CDR2L: variants seen among roughly 807,000 people sequenced by gnomAD.
The protein encoded by CDR2L is cerebellar degeneration-related protein 2-like.
Under a neutral mutation model 36.1 loss-of-function variants are expected in CDR2L, and 19 were observed. That is an observed-to-expected ratio of 0.53 (90% CI 0.37 to 0.77). CDR2L has a LOEUF of 0.77. Among genes scored for constraint, CDR2L ranks in the 30% least tolerant of loss-of-function variants. CDR2L has a pLI of 0.00. For synonymous variants in CDR2L, 285 were observed against 280.4 expected, an observed-to-expected ratio of 1.02 and a Z score of -0.16; for missense variants, 575 against 627.2, an observed-to-expected ratio of 0.92 and a Z score of 0.89.
intron 1 of CDR2L, among the ~76,000 whole-genome samples, chr17:74,997,473 C>T: frequency 6.6e-6 from 1 of 152,176 alleles, no homozygotes. Context: ...CCCCACGGCA[C>T]CTTGCCCCTA....
rs1359125055 is a variant in CDR2L, at chr17:75,001,388, C to G, written c.240C>G (p.His80Gln). Residue 80 changes from histidine to glutamine, a missense_variant, in exon 3 of 5, where the codon CAC becomes CAG. Coordinates refer to ENST00000337231, the MANE Select transcript of CDR2L (RefSeq NM_014603.3). ...LDTLRHVNEQ[H>Q]AKVYEQLDLT... ...CGCTGCGGCACGTGAACGAGCAGCACGCCAAAGTCTATGAGCAGCTGGACC... is the reference window on the plus strand; with the variant it reads ...CGCTGCGGCACGTGAACGAGCAGCAGGCCAAAGTCTATGAGCAGCTGGACC... 1.2e-6 allele frequency: 2 copies of G among 1,611,806 alleles called. No homozygotes were observed. The highest frequency in any genetic ancestry group is 1.3e-5 in the African/African-American group (1 of 74,856).
intron 1 of CDR2L, among the ~76,000 whole-genome samples, chr17:74,993,740 T>G (rs2039809879): frequency 6.6e-6 from 1 of 152,258 alleles, no homozygotes; most frequent in Non-Finnish European, 1.5e-5. Context: ...TTGGGAAAGC[T>G]GCCTTTGTTT....
chr17:74,989,332 G>C lies in CDR2L; in HGVS notation c.79+1210G>C, dbSNP rs992523834. Among the ~76,000 whole-genome samples the C allele has an allele frequency of 3.9e-5, 6 of 152,028 alleles. No homozygotes were observed. Among genetic ancestry groups the C allele is most frequent in the African/African-American group, 1.4e-4 (6 of 41,444 alleles). ...GGACCAGGGTGGGACTGGGGATGCT[G>C]GACTAGGCCCTGCCATGGTCTGTGC... is the stretch of plus-strand genomic sequence containing the variant. On this transcript the variant is annotated intron_variant, in intron 1 of 4. Coordinates refer to ENST00000337231, the MANE Select transcript of CDR2L (RefSeq NM_014603.3). The surrounding 1 kb of genome is among the most constrained non-coding windows in gnomAD (Gnocchi z 4.2).
chr17:74,997,062 T>G, intron 1 of CDR2L, among the ~76,000 whole-genome samples: 1 of 7,540 alleles, frequency 1.3e-4, no homozygotes, highest in South Asian at 5.6e-3. Flanking sequence ...CTTTCTTTCT[T>G]TCTTTCTTTC....
rs1030246439 is a variant in CDR2L, at chr17:75,003,137, C to T, written c.507-46C>T. Reference sequence around the variant, plus strand: ...GCCTTGGCCGTGCCCGTGACCACTGCCCTCTCCTCCGCCCCCACCCCGCTG... The same window carrying T: ...GCCTTGGCCGTGCCCGTGACCACTGTCCTCTCCTCCGCCCCCACCCCGCTG... On this transcript the variant is annotated intron_variant, in intron 4 of 4. Coordinates refer to ENST00000337231, the MANE Select transcript of CDR2L (RefSeq NM_014603.3). The T allele has an allele frequency of 7.1e-6, 11 of 1,541,634 alleles. No homozygotes were observed. The African/African-American group carries it at 1.2e-4, about 17-fold the overall frequency.
At chr17:74,999,651 G>C in intron 2 of CDR2L, 35 bp downstream of exon 2, 1 of 1,352,530 alleles carries the variant, frequency 7.4e-7, no homozygotes, top group Non-Finnish European at 1.0e-6. Context: ...CACACCCCTC[G>C]AGGGCCCCTT....
intron 2 of CDR2L, among the ~76,000 whole-genome samples, chr17:75,001,073 A>C (rs566559593): frequency 6.6e-6 from 1 of 151,774 alleles, no homozygotes; most frequent in East Asian, 1.9e-4. Flanking sequence ...GTCTCTACTA[A>C]AAATACCAAA....
At chr17:75,000,867 G>A (rs559168284) in intron 2 of CDR2L, among the ~76,000 whole-genome samples, 38 of 151,092 alleles carry the variant, frequency 2.5e-4, no homozygotes, top group Non-Finnish European at 4.7e-4. Flanking sequence ...GCAGTGAGCC[G>A]ATGTCGCGCC....
rs61110164 is a variant in CDR2L, at chr17:74,989,410, A to AACACACACACACACACACAC, written c.79+1306_79+1325dup. Among the ~76,000 whole-genome samples the AACACACACACACACACACAC allele has an allele frequency of 5.0e-3, 649 of 130,736 alleles. 21 individuals are homozygous for AACACACACACACACACACAC. The highest frequency in any genetic ancestry group is 0.013 in the African/African-American group (424 of 33,378). The allele number at this position is 130,736 out of a possible 152,430, so 85.8% of individuals were successfully genotyped here. On this transcript the variant is annotated intron_variant, in intron 1 of 4. Coordinates refer to ENST00000337231, the MANE Select transcript of CDR2L (RefSeq NM_014603.3). The surrounding 1 kb of genome is among the most constrained non-coding windows in gnomAD (Gnocchi z 4.2). ...CTGAAATGAGATACAGCTCCTCTCA[A>AACACACACACACACACACAC]ACACACACACACACACACACACACA...
At chr17:74,995,626 T>G (rs1170561698) in intron 1 of CDR2L, among the ~76,000 whole-genome samples, 3 of 151,900 alleles carry the variant, frequency 2.0e-5, no homozygotes, top group African/African-American at 7.3e-5. Context: ...TGCCTCAACT[T>G]CCCAAGTAGC....
intron 4 of CDR2L, among the ~76,000 whole-genome samples, 164 bp from the exon 5 acceptor site, chr17:75,003,019 A>T (rs1466510224): frequency 1.3e-5 from 2 of 152,164 alleles, no homozygotes; most frequent in Admixed American, 1.3e-4. Context: ...GCAGGGGGAG[A>T]AGGGTGGAGG....
rs1221905931 is a variant in CDR2L, at chr17:75,004,817, T to A, written c.*743T>A. On this transcript the variant is annotated 3_prime_UTR_variant, in exon 5 of 5. Coordinates refer to ENST00000337231, the MANE Select transcript of CDR2L (RefSeq NM_014603.3). ...AGAGTGGTGCAGTTTCGCTCAGAGC[T>A]TGTCTCCTTGGCTTCCAACCCCAGA... The A allele has an allele frequency of 6.5e-6, 1 of 153,058 alleles. No individual in the cohort carries two copies. The highest frequency in any genetic ancestry group is 1.5e-5 in the Non-Finnish European group (1 of 68,570). The allele number at this position is 153,058 out of a possible 1,614,324, so 9.5% of individuals were successfully genotyped here.
chr17:74,988,224 G>C (rs1451215128), intron 1 of CDR2L, 102 bp downstream of exon 1: 1 of 823,506 alleles, frequency 1.2e-6, no homozygotes, highest in Non-Finnish European at 1.8e-6. Flanking sequence ...GGCTGGGCTG[G>C]ACCGGGCGCG....
rs774053123 is a variant in CDR2L at position 74,988,040 on chromosome 17, G to A, written c.-4G>A. 9 of 1,517,396 alleles carry A rather than the reference G, an allele frequency of 5.9e-6. No homozygotes were observed. Among genetic ancestry groups the A allele is most frequent in the African/African-American group, 1.4e-5 (1 of 69,250 alleles). The allele number at this position is 1,517,396 out of a possible 1,614,324, so 94.0% of individuals were successfully genotyped here. ...CGCAGCACCCGCCCGCCGCCCGCGG[G>A]GCCATGCGGAGAGCCGCCGGGATGG... On this transcript the variant is annotated 5_prime_UTR_variant, in exon 1 of 5. Coordinates refer to ENST00000337231, the MANE Select transcript of CDR2L (RefSeq NM_014603.3).
Position 75,003,493 on chromosome 17 carries a change from G to A in CDR2L, c.817G>A (p.Glu273Lys), listed in dbSNP as rs1044390577. The A allele has an allele frequency of 6.4e-7, 1 of 1,555,528 alleles. No homozygotes were observed. The highest frequency in any genetic ancestry group is 1.4e-5 in the African/African-American group (1 of 73,438). Residue 273 changes from glutamate to lysine, a missense_variant, in exon 5 of 5, where the codon GAG becomes AAG. Coordinates refer to ENST00000337231, the MANE Select transcript of CDR2L (RefSeq NM_014603.3). ...YLLGPDDHLA[E>K]ALLAPLTQAP... ...ACTGGGTCCGGACGACCACCTGGCC[G>A]AGGCCCTGCTCGCACCCCTCACGCA... is the stretch of plus-strand genomic sequence containing the variant.
At position 74,989,086 on chromosome 17, in the gene CDR2L, T is replaced by C. The variant is rs1174679951; in HGVS notation, c.79+964T>C. ...CCATGGCCTCCAGCAAGCTGGGGGG[T>C]GTGGACATAAGTCTGCTGCAGTTTG... On this transcript the variant is annotated intron_variant, in intron 1 of 4. Coordinates refer to ENST00000337231, the MANE Select transcript of CDR2L (RefSeq NM_014603.3). The surrounding 1 kb of genome is among the most constrained non-coding windows in gnomAD (Gnocchi z 4.2). Among the ~76,000 whole-genome samples, 1 of 151,158 alleles carries C rather than the reference T, an allele frequency of 6.6e-6. No homozygotes were observed. The highest frequency in any genetic ancestry group is 1.5e-5 in the Non-Finnish European group (1 of 67,822).
At position 74,999,635 on chromosome 17, in the gene CDR2L, C is replaced by T. The variant is rs531890947; in HGVS notation, c.192+19C>T. 1.7e-5 allele frequency: 25 copies of T among 1,446,830 alleles called. No homozygotes were observed. The South Asian group carries it at 3.0e-4, about 17-fold the overall frequency. 89.6% of individuals were successfully genotyped at this position (1,446,830 alleles called of 1,614,324 possible). ...GATCGAGGTGAGGGCCCTGCATGTG[C>T]TTGCCCACACCCCTCGAGGGCCCCT... On this transcript the variant is annotated intron_variant, in intron 2 of 4. Coordinates refer to ENST00000337231, the MANE Select transcript of CDR2L (RefSeq NM_014603.3).
chr17:74,992,532 G>A (rs1164402118), intron 1 of CDR2L, among the ~76,000 whole-genome samples: 2 of 152,034 alleles, frequency 1.3e-5, no homozygotes, highest in African/African-American at 4.8e-5. Flanking sequence ...TCTCCTCTGA[G>A]CCTGGAGCCA....
intron 1 of CDR2L, among the ~76,000 whole-genome samples, chr17:74,991,762 G>A (rs2039798874): frequency 6.6e-6 from 1 of 152,146 alleles, no homozygotes; most frequent in Non-Finnish European, 1.5e-5. Flanking sequence ...ATTAAGCACT[G>A]GCACTCCCTC....
Sources: gnomAD v4.1 joint callset for allele counts (sites outside exome capture counted in the v4.1 genomes callset) on GRCh38, gnomAD v4.1.1 for gene constraint, Gnocchi (gnomAD v3.1) non-coding constraint, MANE v1.5 for transcripts, NCBI Gene and HGNC (gene_info 2026-07-23, HGNC 2026-07-21) for gene names.